Variants in ADAMTS20 observed in about 807,000 individuals in gnomAD.
The protein encoded by ADAMTS20 is ADAM metallopeptidase with thrombospondin type 1 motif 20, also known as A disintegrin and metalloproteinase with thrombospondin motifs 20.
A neutral mutation model predicts 260.1 loss-of-function variants in ADAMTS20; 225 were observed. The observed-to-expected ratio is 0.87, with a 90% CI of 0.78 to 0.97. The LOEUF is 0.97. Among genes scored for constraint, ADAMTS20 ranks in the 50% least tolerant of loss-of-function variants. The pLI is 0.00. For synonymous variants in ADAMTS20, 802 were observed against 769.5 expected (o/e 1.04, Z -0.70); for missense variants, 2,400 against 2,337.7 (o/e 1.03, Z -0.55).
At chr12:43,366,867 A>G (rs1424552074) in intron 37 of ADAMTS20, among the ~76,000 whole-genome samples, 1 of 151,894 alleles carries the variant, frequency 6.6e-6, no homozygotes, top group Non-Finnish European at 1.5e-5. Flanking sequence ...TCAATAATCT[A>G]CCCTTCTACC....
At chr12:43,409,935 T>C (rs1941000745) in intron 28 of ADAMTS20, among the ~76,000 whole-genome samples, 1 of 152,136 alleles carries the variant, frequency 6.6e-6, no homozygotes, top group African/African-American at 2.4e-5. Flanking sequence ...CAGAATGCAT[T>C]TGGACTTCTC....
At chr12:43,391,807 G>T (rs1344809733) in intron 29 of ADAMTS20, among the ~76,000 whole-genome samples, 1 of 152,002 alleles carries the variant, frequency 6.6e-6, no homozygotes, top group East Asian at 1.9e-4. Flanking sequence ...AAAATTTAAA[G>T]CCCACAAAAG....
chr12:43,443,524 A>G (rs762746638), intron 16 of ADAMTS20, among the ~76,000 whole-genome samples: 7 of 152,198 alleles, frequency 4.6e-5, no homozygotes, highest in Non-Finnish European at 8.8e-5. Context: ...CATGCAACTA[A>G]TTGAATATAA....
intron 3 of ADAMTS20, among the ~76,000 whole-genome samples, chr12:43,506,399 T>A (rs1392971820): frequency 6.6e-6 from 1 of 151,754 alleles, no homozygotes; most frequent in Non-Finnish European, 1.5e-5. Context: ...GTCCTGGAGA[T>A]CTGTTGCATA....
intron 28 of ADAMTS20, among the ~76,000 whole-genome samples, chr12:43,424,679 C>T (rs1303338771): frequency 1.4e-4 from 22 of 152,010 alleles, no homozygotes; most frequent in Non-Finnish European, 1.5e-5. Context: ...CCTTAATTTG[C>T]CATTTTTACA....
chr12:43,427,703 A>G (rs982251110), intron 26 of ADAMTS20, among the ~76,000 whole-genome samples: 2 of 152,236 alleles, frequency 1.3e-5, no homozygotes, highest in Admixed American at 1.3e-4. Flanking sequence ...GCATTAGGAA[A>G]CAATTTTCAT....
At chr12:43,472,892 G>T (rs1373341616) in intron 7 of ADAMTS20, among the ~76,000 whole-genome samples, 2 of 146,192 alleles carry the variant, frequency 1.4e-5, no homozygotes, top group Non-Finnish European at 3.0e-5. Context: ...ATGCCAAAAT[G>T]TAAAGACCAT....
intron 7 of ADAMTS20, among the ~76,000 whole-genome samples, chr12:43,488,907 T>C (rs1304554558): frequency 6.6e-6 from 1 of 152,166 alleles, no homozygotes; most frequent in Non-Finnish European, 1.5e-5. Flanking sequence ...TACTATATTG[T>C]GTTGCTTTGT....
At chr12:43,436,205 G>A (rs1022917427) in intron 18 of ADAMTS20, among the ~76,000 whole-genome samples, 1 of 152,150 alleles carries the variant, frequency 6.6e-6, no homozygotes, top group Non-Finnish European at 1.5e-5. Flanking sequence ...AAGTAAATAA[G>A]CAACAAATCA....
At chr12:43,408,593 C>A (rs1219667610) in intron 28 of ADAMTS20, among the ~76,000 whole-genome samples, 4 of 151,980 alleles carry the variant, frequency 2.6e-5, no homozygotes, top group African/African-American at 9.7e-5. Flanking sequence ...TAAATGAGTT[C>A]TAAGGATGCT....
Position 43,427,303 on chromosome 12 carries a change from C to T in ADAMTS20, c.4107+5G>A. 1 of 1,610,594 alleles carries T rather than the reference C, an allele frequency of 6.2e-7. No homozygotes were observed. Among genetic ancestry groups the T allele is most frequent in the Non-Finnish European group, 8.5e-7 (1 of 1,178,868 alleles). ...CTCACAAGTTTAGAAAATATTATGA[C>T]TTACTTCTCCCCAATTTCCGTAGTT... On this transcript the variant is annotated splice_donor_5th_base_variant and intron_variant, in intron 27 of 38. Transcript: ENST00000389420.
At position 43,551,477 on chromosome 12, in the gene ADAMTS20, C is replaced by T. The variant is rs1165809571; in HGVS notation, c.92-207G>A. On this transcript the variant is annotated intron_variant, in intron 1 of 38. Coordinates refer to ENST00000389420, the MANE Select transcript of ADAMTS20 (RefSeq NM_025003.5). The surrounding 1 kb of genome is among the most constrained non-coding windows in gnomAD (Gnocchi z 4.6). ...TGCTTTCCCACACCCCCAACTTGCC[C>T]TACCCTCCCCAAGCAAAGACCCTAC... 6.6e-6 allele frequency among the ~76,000 whole-genome samples: 1 copy of T among 152,104 alleles called. No individual in the cohort carries two copies. The highest frequency in any genetic ancestry group is 1.5e-5 in the Non-Finnish European group (1 of 68,006).
At chr12:43,489,297 A>G (rs570670389) in intron 7 of ADAMTS20, among the ~76,000 whole-genome samples, 1 of 152,160 alleles carries the variant, frequency 6.6e-6, no homozygotes, top group South Asian at 2.1e-4. Context: ...ATTTTCACAC[A>G]TAAAAGAATG....
chr12:43,386,700 C>T (rs1477738397), intron 29 of ADAMTS20, among the ~76,000 whole-genome samples: 1 of 152,156 alleles, frequency 6.6e-6, no homozygotes, highest in African/African-American at 2.4e-5. Flanking sequence ...ATTCTTTTAT[C>T]TCTAATCTTG....
intron 28 of ADAMTS20, among the ~76,000 whole-genome samples, chr12:43,405,256 A>T (rs905935869): frequency 5.0e-5 from 7 of 139,012 alleles, no homozygotes; most frequent in Non-Finnish European, 9.5e-5. Flanking sequence ...AAAAAAAAAA[A>T]AAAAAATTAG....
intron 29 of ADAMTS20, among the ~76,000 whole-genome samples, chr12:43,393,357 T>A (rs1282788035): frequency 6.6e-6 from 1 of 152,098 alleles, no homozygotes; most frequent in African/African-American, 2.4e-5. Context: ...GATGCACTAC[T>A]TCTTCATCTA....
chr12:43,372,224 A>T (rs1160664468), intron 36 of ADAMTS20, among the ~76,000 whole-genome samples: 1 of 152,220 alleles, frequency 6.6e-6, no homozygotes, highest in Non-Finnish European at 1.5e-5. Flanking sequence ...GCTCCTCAAC[A>T]TTCAGAGTTG....
At position 43,396,167 on chromosome 12, in the gene ADAMTS20, T is replaced by C. The variant is rs548484368; in HGVS notation, c.4452+2899A>G. 4.7e-4 allele frequency among the ~76,000 whole-genome samples: 71 copies of C among 152,238 alleles called. 2 individuals are homozygous for C. Among genetic ancestry groups the C allele is most frequent in the Admixed American group, 4.3e-3 (66 of 15,272 alleles). On this transcript the variant is annotated intron_variant, in intron 29 of 38. Transcript: ENST00000389420. ...CCTGTATAGCAATGTTTGTTCCTGT[T>C]TAGCAACAGTCATTAAAATGCGTTA... is the stretch of plus-strand genomic sequence containing the variant.
intron 28 of ADAMTS20, among the ~76,000 whole-genome samples, chr12:43,420,810 T>TTTTTTTTTTTTTTTTG (rs1941215906): frequency 8.2e-6 from 1 of 121,616 alleles, no homozygotes; most frequent in African/African-American, 3.5e-5. Context: ...CTTTTTTTTT[T>TTTTTTTTTTTTTTTTG]TTTTTTTTTT....
Sources: allele counts gnomAD v4.1 joint callset (sites outside exome capture counted in the v4.1 genomes callset), GRCh38; gene constraint gnomAD v4.1.1; non-coding constraint Gnocchi (gnomAD v3.1); transcripts MANE v1.5; gene names NCBI Gene and HGNC (gene_info 2026-07-23, HGNC 2026-07-21).